KCNK13: variants seen among roughly 807,000 people sequenced by gnomAD.
KCNK13 encodes potassium two pore domain channel subfamily K member 13, also known as potassium channel subfamily K member 13.
In KCNK13, 12 loss-of-function variants were observed where a neutral mutation model predicts 23.4. That is an observed-to-expected ratio of 0.51 (90% CI 0.33 to 0.83). The LOEUF (loss-of-function observed/expected upper bound fraction) is 0.83. Ranked by LOEUF, KCNK13 falls within the 40% of genes least tolerant of loss-of-function variation. KCNK13 has a pLI of 0.02. For synonymous variants in KCNK13, 231 were observed against 229.5 expected (o/e 1.01, Z -0.06); for missense variants, 463 against 556.3 (o/e 0.83, Z 1.69).
At chr14:90,064,012 G>A (rs1055582849) in intron 1 of KCNK13, among the ~76,000 whole-genome samples, 1 of 152,118 alleles carries the variant, frequency 6.6e-6, no homozygotes, top group African/African-American at 2.4e-5. Flanking sequence ...GACCAGAATG[G>A]GCCCAAGATT....
chr14:90,175,117 T>C (rs1255221028), intron 1 of KCNK13, among the ~76,000 whole-genome samples: 1 of 152,172 alleles, frequency 6.6e-6, no homozygotes, highest in Non-Finnish European at 1.5e-5. Flanking sequence ...TTAGTTTCTA[T>C]AGGGAACCAA....
At chr14:90,183,236 T>C (rs543301236) in intron 1 of KCNK13, among the ~76,000 whole-genome samples, 1 of 152,342 alleles carries the variant, frequency 6.6e-6, no homozygotes, top group South Asian at 2.1e-4. Flanking sequence ...ATGTATAGCA[T>C]CCAATACTTC....
chr14:90,093,861 C>T (rs1257580625), intron 1 of KCNK13, among the ~76,000 whole-genome samples: 1 of 152,168 alleles, frequency 6.6e-6, no homozygotes, highest in Admixed American at 6.5e-5. Context: ...TTTGGATTGC[C>T]TTGAATGTGC....
chr14:90,182,116 G>T (rs529207621), intron 1 of KCNK13, among the ~76,000 whole-genome samples: 1 of 152,242 alleles, frequency 6.6e-6, no homozygotes, highest in South Asian at 2.1e-4. Flanking sequence ...AAATCATCCT[G>T]GCAATTCCTT....
Position 90,181,924 on chromosome 14 carries a change from C to A in KCNK13, c.335-2187C>A, listed in dbSNP as rs112023459. ...TCCCTGTGTTTAGTAACTACAGAAG[C>A]AATACTCTCTGGTCTTGCAGCTTTG... is the stretch of plus-strand genomic sequence containing the variant. On this transcript the variant is annotated intron_variant, in intron 1 of 1. Transcript: ENST00000282146. Among the ~76,000 whole-genome samples, 1,130 of 152,292 alleles carry A rather than the reference C, an allele frequency of 7.4e-3. 7 individuals carry two copies. Among genetic ancestry groups the A allele is most frequent in the African/African-American group, 0.026 (1,075 of 41,556 alleles).
intron 1 of KCNK13, among the ~76,000 whole-genome samples, chr14:90,159,946 G>GGT (rs3060015): frequency 0.12 from 18,095 of 148,192 alleles, 1,112 homozygotes; most frequent in South Asian, 0.26. Flanking sequence ...TGTGTGTAGG[G>GGT]GTGTGTGTGT....
At chr14:90,082,550 T>C (rs1889226401) in intron 1 of KCNK13, among the ~76,000 whole-genome samples, 1 of 152,224 alleles carries the variant, frequency 6.6e-6, no homozygotes, top group Admixed American at 6.5e-5. Context: ...TGTGACTGAC[T>C]TCTTTCACTT....
rs1226286482 is a variant in KCNK13, at chr14:90,184,112, G to A, written c.336G>A (p.Gly112=). 1.2e-6 allele frequency: 2 copies of A among 1,611,844 alleles called. No homozygotes were observed. The highest frequency in any genetic ancestry group is 1.7e-6 in the Non-Finnish European group (2 of 1,178,296). ...YFVGTVVSTI[G]FGMTTPATVG... Reference sequence around the variant, plus strand: ...TTCTCTCATTTTTCTCTCCTGCAGGGTTTGGGATGACAACTCCGGCGACAG... The same window carrying A: ...TTCTCTCATTTTTCTCTCCTGCAGGATTTGGGATGACAACTCCGGCGACAG... The change falls in exon 2 of 2, where the codon GGG becomes GGA. Residue 112 remains glycine (G), a splice_region_variant and synonymous_variant. Coordinates refer to ENST00000282146, the MANE Select transcript of KCNK13 (RefSeq NM_022054.4). The surrounding 1 kb of genome is among the most constrained non-coding windows in gnomAD (Gnocchi z 5.6).
At chr14:90,084,562 G>A (rs10135420) in intron 1 of KCNK13, among the ~76,000 whole-genome samples, 2,874 of 152,262 alleles carry the variant, frequency 0.019, 81 homozygotes, top group African/African-American at 0.065. Context: ...CTATATACAT[G>A]AATATGTCAC....
intron 1 of KCNK13, among the ~76,000 whole-genome samples, chr14:90,096,753 G>A (rs745878418): frequency 2.0e-5 from 3 of 152,208 alleles, no homozygotes; most frequent in Non-Finnish European, 4.4e-5. Flanking sequence ...AGAATTGGCA[G>A]CCATTTTCTT....
intron 1 of KCNK13, among the ~76,000 whole-genome samples, chr14:90,143,971 G>A (rs547042676): frequency 5.9e-5 from 9 of 152,324 alleles, no homozygotes; most frequent in African/African-American, 2.2e-4. Context: ...GTAGGACTTG[G>A]ACGGAGGCTT....
chr14:90,126,297 G>T (rs1889798826), intron 1 of KCNK13, among the ~76,000 whole-genome samples: 1 of 151,978 alleles, frequency 6.6e-6, no homozygotes, highest in South Asian at 2.1e-4. Flanking sequence ...CTTCCAAAAA[G>T]CACAATATGG....
chr14:90,162,009 T>A (rs1412587349), intron 1 of KCNK13, among the ~76,000 whole-genome samples: 2 of 151,992 alleles, frequency 1.3e-5, no homozygotes, highest in Admixed American at 1.3e-4. Flanking sequence ...CAAGACCCCG[T>A]CTCTACAATA....
At chr14:90,134,289 G>A (rs3861659) in intron 1 of KCNK13, among the ~76,000 whole-genome samples, 15,039 of 152,170 alleles carry the variant, frequency 0.099, 1,058 homozygotes, top group Admixed American at 0.25. Context: ...GAAATGCATT[G>A]TTGCCTCTAG....
intron 1 of KCNK13, among the ~76,000 whole-genome samples, chr14:90,073,263 A>T (rs1340238727): frequency 6.6e-6 from 1 of 152,148 alleles, no homozygotes; most frequent in Non-Finnish European, 1.5e-5. Flanking sequence ...TGTCTGTGCT[A>T]CTACGGGTGT....
At chr14:90,092,206 G>A (rs908257137) in intron 1 of KCNK13, among the ~76,000 whole-genome samples, 10 of 152,194 alleles carry the variant, frequency 6.6e-5, no homozygotes, top group African/African-American at 2.4e-4. Flanking sequence ...ATAGGCGTGA[G>A]CCACCGCACC....
chr14:90,090,566 G>A (rs779943437), intron 1 of KCNK13, among the ~76,000 whole-genome samples: 3 of 152,234 alleles, frequency 2.0e-5, no homozygotes, highest in Non-Finnish European at 4.4e-5. Flanking sequence ...CTGGGGGACT[G>A]TTGGCAAGGC....
intron 1 of KCNK13, among the ~76,000 whole-genome samples, chr14:90,131,624 C>T (rs1889875742): frequency 6.6e-6 from 1 of 152,134 alleles, no homozygotes; most frequent in Non-Finnish European, 1.5e-5. Context: ...ACCTCCTAGG[C>T]TCAGATGATC....
chr14:90,129,424 G>A (rs964463496), intron 1 of KCNK13, among the ~76,000 whole-genome samples: 7 of 152,100 alleles, frequency 4.6e-5, no homozygotes, highest in Non-Finnish European at 7.3e-5. Context: ...ATATGGCTGC[G>A]CCCCATCCCC....
Sources: gnomAD v4.1 joint callset for allele counts (sites outside exome capture counted in the v4.1 genomes callset) on GRCh38, gnomAD v4.1.1 for gene constraint, Gnocchi (gnomAD v3.1) non-coding constraint, MANE v1.5 for transcripts, NCBI Gene and HGNC (gene_info 2026-07-23, HGNC 2026-07-21) for gene names.